The following ADAMTS2 variants were observed in gnomAD, a reference collection of about 807,000 sequenced individuals.
ADAMTS2 encodes A disintegrin and metalloproteinase with thrombospondin motifs 2.
A neutral mutation model predicts 123.0 loss-of-function variants in ADAMTS2; 50 were observed. The ratio of observed to expected loss-of-function variants is 0.41; its 90% CI spans 0.32 to 0.51. The LOEUF (loss-of-function observed/expected upper bound fraction) is 0.51. Ranked by LOEUF, ADAMTS2 falls within the 20% of genes least tolerant of loss-of-function variation. The probability of loss-of-function intolerance (pLI) is 0.35; values close to 1 mark genes in which losing one functional copy is unlikely to be tolerated. For synonymous variants in ADAMTS2, 678 were observed against 695.4 expected (o/e 0.98, Z 0.39); for missense variants, 1,494 against 1,705.2 (o/e 0.88, Z 2.18).
At chr5:179,131,306 CAAAAAAA>C (rs553125844) in intron 15 of ADAMTS2, among the ~76,000 whole-genome samples, 16 of 22,676 alleles carry the variant, frequency 7.1e-4, no homozygotes, top group Non-Finnish European at 9.9e-4. Context: ...GAGCGAGACT[CAAAAAAA>C]AAAAAAAAAA....
In ADAMTS2 at chr5:179,115,705, A is replaced by AGAAAGGGAGGAG. The variant is rs1762646096; in HGVS notation, c.3179-1382_3179-1381insCTCCTCCCTTTC. On this transcript the variant is annotated intron_variant, in intron 21 of 21. Coordinates refer to ENST00000251582, the MANE Select transcript of ADAMTS2 (RefSeq NM_014244.5). The surrounding 1 kb of genome is among the most constrained non-coding windows in gnomAD (Gnocchi z 4.4). ...AAGAAAGGGAGGAGGAAAGGGAGGG[A>AGAAAGGGAGGAG]GAAAGGGAGGGAGAAAGGCTCAGGC... Among the ~76,000 whole-genome samples, 1 of 150,684 alleles carries AGAAAGGGAGGAG rather than the reference A, an allele frequency of 6.6e-6. No homozygotes were observed. Among genetic ancestry groups the AGAAAGGGAGGAG allele is most frequent in the Non-Finnish European group, 1.5e-5 (1 of 67,856 alleles).
At chr5:179,292,200 G>A (rs761493977) in intron 2 of ADAMTS2, among the ~76,000 whole-genome samples, 1 of 151,908 alleles carries the variant, frequency 6.6e-6, no homozygotes, top group African/African-American at 2.4e-5. Flanking sequence ...AGAGAGAAGC[G>A]GCGGAGTCAG....
intron 2 of ADAMTS2, among the ~76,000 whole-genome samples, chr5:179,299,298 G>A (rs1430513193): frequency 2.3e-5 from 3 of 131,422 alleles, no homozygotes; most frequent in Admixed American, 8.2e-5. Context: ...GGGAGGCTGA[G>A]GCGGGCGGAT....
intron 3 of ADAMTS2, among the ~76,000 whole-genome samples, chr5:179,230,943 G>A (rs1041668334): frequency 1.3e-5 from 2 of 152,046 alleles, no homozygotes; most frequent in African/African-American, 4.8e-5. Flanking sequence ...CCCGGGAGGC[G>A]GAGGTTGCAG....
intron 2 of ADAMTS2, among the ~76,000 whole-genome samples, chr5:179,297,858 C>T (rs1006647026): frequency 2.6e-5 from 4 of 152,106 alleles, no homozygotes; most frequent in Admixed American, 6.5e-5. Flanking sequence ...ACAACAGAAC[C>T]GGGTCTCTTC....
At chr5:179,263,101 TCCC>T (rs375105612) in intron 3 of ADAMTS2, among the ~76,000 whole-genome samples, 13 of 102,340 alleles carry the variant, frequency 1.3e-4, no homozygotes, top group African/African-American at 4.9e-4. Context: ...GCAGCATTAT[TCCC>T]CCATGATTTG....
intron 2 of ADAMTS2, among the ~76,000 whole-genome samples, chr5:179,311,191 A>C (rs957722733): frequency 2.6e-5 from 4 of 152,214 alleles, no homozygotes; most frequent in African/African-American, 9.6e-5. Flanking sequence ...CTGAACAGGA[A>C]GGCCACGTCC....
chr5:179,211,764 C>T (rs181528686), intron 3 of ADAMTS2, among the ~76,000 whole-genome samples: 43 of 152,288 alleles, frequency 2.8e-4, no homozygotes, highest in African/African-American at 9.1e-4. Flanking sequence ...GCACAGGGCA[C>T]GTGGGCAAGG....
At chr5:179,340,775 C>T (rs1471413466) in intron 2 of ADAMTS2, among the ~76,000 whole-genome samples, 3 of 152,156 alleles carry the variant, frequency 2.0e-5, no homozygotes, top group Non-Finnish European at 4.4e-5. Flanking sequence ...TTAATAGGAA[C>T]ACAGTCAACT....
intron 2 of ADAMTS2, among the ~76,000 whole-genome samples, chr5:179,299,792 C>T (rs1756460176): frequency 1.3e-5 from 2 of 151,998 alleles, no homozygotes; most frequent in African/African-American, 2.4e-5. Context: ...ACTTCTGCCT[C>T]CATCTTCTAC....
intron 4 of ADAMTS2, among the ~76,000 whole-genome samples, chr5:179,205,823 G>A (rs1348963609): frequency 6.6e-6 from 1 of 151,514 alleles, no homozygotes; most frequent in Non-Finnish European, 1.5e-5. Context: ...TGAGGCTAGA[G>A]TGCAGTGGTG....
intron 4 of ADAMTS2, among the ~76,000 whole-genome samples, chr5:179,191,622 G>A (rs115683238): frequency 0.019 from 2,564 of 132,448 alleles, 73 homozygotes; most frequent in African/African-American, 0.066. Context: ...GGAGGGGGCA[G>A]CAAGCAGCTG....
rs769344433 is a variant in ADAMTS2, at chr5:179,135,969, A to G, written c.2025T>C (p.His675=). The change falls in exon 13 of 22, where the codon CAT becomes CAC. Residue 675 remains histidine, a synonymous_variant. Coordinates refer to ENST00000251582, the MANE Select transcript of ADAMTS2 (RefSeq NM_014244.5). ...CCTTGTAGGAGCAGCGCGTCCCGTC[A>G]TGCACCATGCGCTTCATGGACACCA... ...GEVVSMKRMV[H]DGTRCSYKDA... 1.2e-5 allele frequency: 20 copies of G among 1,613,276 alleles called. No homozygotes were observed. The Admixed American group carries it at 1.3e-4, about 11-fold the overall frequency.
At chr5:179,324,085 C>A (rs1757250715) in intron 2 of ADAMTS2, among the ~76,000 whole-genome samples, 1 of 152,146 alleles carries the variant, frequency 6.6e-6, no homozygotes, top group Non-Finnish European at 1.5e-5. Flanking sequence ...ATGAAATGCC[C>A]AGAACAGGCA....
chr5:179,223,736 CATGTGAGTGT>C (rs1434795908), intron 3 of ADAMTS2, among the ~76,000 whole-genome samples: 1 of 152,218 alleles, frequency 6.6e-6, no homozygotes, highest in Non-Finnish European at 1.5e-5. Flanking sequence ...ACATTCATCA[CATGTGAGTGT>C]ATGTGAGTGC....
At chr5:179,340,361 C>T (rs1757737907) in intron 2 of ADAMTS2, among the ~76,000 whole-genome samples, 1 of 152,186 alleles carries the variant, frequency 6.6e-6, no homozygotes, top group East Asian at 1.9e-4. Context: ...ACTTAGGCCA[C>T]CCATAGGAGC....
At chr5:179,258,822 G>A (rs1337717585) in intron 3 of ADAMTS2, among the ~76,000 whole-genome samples, 2 of 152,080 alleles carry the variant, frequency 1.3e-5, no homozygotes, top group Non-Finnish European at 2.9e-5. Flanking sequence ...CCAGCCTCAC[G>A]GTGATTTGGA....
intron 13 of ADAMTS2, 25 bp downstream of exon 13, chr5:179,135,884 C>T (rs1324129363): frequency 5.6e-6 from 9 of 1,612,546 alleles, no homozygotes; most frequent in Admixed American, 3.3e-5. Context: ...ACGGTAGCCC[C>T]CCGTGCCGGC....
intron 2 of ADAMTS2, among the ~76,000 whole-genome samples, chr5:179,334,262 C>T (rs79362319): frequency 0.01 from 1,598 of 152,270 alleles, 27 homozygotes; most frequent in African/African-American, 0.036. Flanking sequence ...CCCCTCCCTA[C>T]GAGGGCTTCC....
Sources: allele counts gnomAD v4.1 joint callset (sites outside exome capture counted in the v4.1 genomes callset), GRCh38; gene constraint gnomAD v4.1.1; non-coding constraint Gnocchi (gnomAD v3.1); transcripts MANE v1.5; gene names NCBI Gene and HGNC (gene_info 2026-07-23, HGNC 2026-07-21).